The following LTBP1 variants were observed in gnomAD, a reference collection of about 807,000 sequenced individuals.
LTBP1 encodes latent transforming growth factor beta binding protein 1.
Under a neutral mutation model 207.6 loss-of-function variants are expected in LTBP1, and 129 were observed. That is an observed-to-expected ratio of 0.62 (90% CI 0.54 to 0.72). The LOEUF (loss-of-function observed/expected upper bound fraction) is 0.72. Among genes scored for constraint, LTBP1 ranks in the 30% least tolerant of loss-of-function variants. The pLI is 0.00. For missense variants in LTBP1, 2,281 were observed against 2,217.2 expected (o/e 1.03, Z -0.58); for synonymous variants, 963 against 833.7 (o/e 1.16, Z -2.67).
intron 14 of LTBP1, 62 bp downstream of exon 14, chr2:33,262,883 A>G: frequency 8.0e-7 from 1 of 1,247,844 alleles, no homozygotes; most frequent in African/African-American, 1.5e-5. Flanking sequence ...AAGACGGGAA[A>G]TTTTTGTCTT....
intron 2 of LTBP1, among the ~76,000 whole-genome samples, chr2:32,984,416 G>T (rs1683224641): frequency 6.6e-6 from 1 of 152,126 alleles, no homozygotes; most frequent in Admixed American, 6.5e-5. Context: ...CTCCTTTCCT[G>T]ATGGTTTTTC....
At chr2:33,228,697 C>CTTTTTTTTTTTT (rs1244221993) in intron 9 of LTBP1, among the ~76,000 whole-genome samples, 1,528 of 98,932 alleles carry the variant, frequency 0.015, 308 homozygotes, top group African/African-American at 0.046. Context: ...GGGTTATACC[C>CTTTTTTTTTTTT]TTTTTTTTTT....
At position 32,967,713 on chromosome 2, in the gene LTBP1, A is replaced by C. The variant is rs116072714; in HGVS notation, c.565+18768A>C. Among the ~76,000 whole-genome samples the C allele has an allele frequency of 3.2e-4, 48 of 152,302 alleles. No individual in the cohort carries two copies. In the East Asian group the frequency reaches 9.2e-3, roughly 29 times the overall value. Reference sequence around the variant, plus strand: ...TGATTTTTACTCTTTTAAGTTTGTTAAGATGTGTTTTATGACCCAGAATGT... The same window carrying C: ...TGATTTTTACTCTTTTAAGTTTGTTCAGATGTGTTTTATGACCCAGAATGT... On this transcript the variant is annotated intron_variant, in intron 2 of 33. Transcript: ENST00000404816.
chr2:33,027,572 C>G (rs902736869), intron 3 of LTBP1, among the ~76,000 whole-genome samples: 1 of 152,140 alleles, frequency 6.6e-6, no homozygotes, highest in Non-Finnish European at 1.5e-5. Flanking sequence ...CGCAGTAGCT[C>G]ACACCTGTAA....
chr2:33,023,816 G>A (rs1379604958), intron 3 of LTBP1, among the ~76,000 whole-genome samples: 1 of 152,212 alleles, frequency 6.6e-6, no homozygotes, highest in African/African-American at 2.4e-5. Context: ...CATAATCACA[G>A]TGAGTCATGT....
intron 24 of LTBP1, among the ~76,000 whole-genome samples, chr2:33,323,695 T>A (rs1039942328): frequency 6.6e-6 from 1 of 152,042 alleles, no homozygotes; most frequent in African/African-American, 2.4e-5. Context: ...CTGTAATTAG[T>A]TGGGGCACAA....
chr2:32,975,583 G>GTTTTTGTTTTTTT (rs1681598041), intron 2 of LTBP1, among the ~76,000 whole-genome samples: 1 of 31,360 alleles, frequency 3.2e-5, no homozygotes, highest in African/African-American at 1.4e-4. Flanking sequence ...TTCATTCTTT[G>GTTTTTGTTTTTTT]TTTTTTTTTT....
At chr2:33,377,925 C>T (rs927176296) in intron 31 of LTBP1, among the ~76,000 whole-genome samples, 1 of 152,076 alleles carries the variant, frequency 6.6e-6, no homozygotes, top group Non-Finnish European at 1.5e-5. Flanking sequence ...ATGAGAACAG[C>T]GTGGGGGAAA....
intron 32 of LTBP1, among the ~76,000 whole-genome samples, chr2:33,390,390 A>T (rs2095305081): frequency 6.6e-6 from 1 of 152,230 alleles, no homozygotes; most frequent in African/African-American, 2.4e-5. Flanking sequence ...ATTAGTAGAT[A>T]GTAGATAGTC....
At chr2:33,284,983 T>A (rs796394866) in intron 19 of LTBP1, among the ~76,000 whole-genome samples, 28 of 151,558 alleles carry the variant, frequency 1.8e-4, no homozygotes, top group African/African-American at 6.5e-4. Context: ...TCCTCAAACA[T>A]AAGAGATGCA....
At chr2:32,984,866 G>A (rs1257598099) in intron 2 of LTBP1, among the ~76,000 whole-genome samples, 1 of 152,184 alleles carries the variant, frequency 6.6e-6, no homozygotes, top group Non-Finnish European at 1.5e-5. Context: ...AGGAGGCGGA[G>A]GTCGCAGTGA....
intron 4 of LTBP1, among the ~76,000 whole-genome samples, chr2:33,130,915 C>T (rs1484003623): frequency 1.3e-5 from 2 of 152,140 alleles, no homozygotes; most frequent in African/African-American, 2.4e-5. Context: ...CTCCAAAGGA[C>T]CAAGCACAGA....
intron 12 of LTBP1, among the ~76,000 whole-genome samples, chr2:33,259,294 G>A (rs2092948019): frequency 6.6e-6 from 1 of 152,176 alleles, no homozygotes; most frequent in African/African-American, 2.4e-5. Flanking sequence ...ATAAAATGTT[G>A]TACCAGAAAG....
intron 3 of LTBP1, among the ~76,000 whole-genome samples, chr2:33,088,608 G>A (rs144323987): frequency 4.7e-4 from 72 of 152,262 alleles, no homozygotes; most frequent in African/African-American, 1.7e-3. Context: ...TGAGGGTAAG[G>A]TCTTAGTCCA....
At chr2:33,182,699 T>TACACACACAC (rs377663333) in intron 5 of LTBP1, among the ~76,000 whole-genome samples, 16 of 78,810 alleles carry the variant, frequency 2.0e-4, no homozygotes, top group African/African-American at 4.8e-4. Flanking sequence ...TATATATATA[T>TACACACACAC]ACACACACAC....
intron 7 of LTBP1, among the ~76,000 whole-genome samples, chr2:33,199,325 G>A (rs1385400045): frequency 6.6e-6 from 1 of 151,946 alleles, no homozygotes; most frequent in Non-Finnish European, 1.5e-5. Context: ...CCAAGTATGT[G>A]GTCAATTTTG....
intron 9 of LTBP1, among the ~76,000 whole-genome samples, chr2:33,223,202 C>G (rs1210286746): frequency 6.6e-6 from 1 of 152,182 alleles, no homozygotes; most frequent in Non-Finnish European, 1.5e-5. Context: ...GTCTATCACC[C>G]TATTCAAATG....
At chr2:33,264,709 A>C (rs193253894) in intron 15 of LTBP1, among the ~76,000 whole-genome samples, 1 of 152,170 alleles carries the variant, frequency 6.6e-6, no homozygotes, top group African/African-American at 2.4e-5. Context: ...TAGTATGTAA[A>C]ACCCAATCAA....
intron 4 of LTBP1, among the ~76,000 whole-genome samples, chr2:33,120,377 C>T (rs948642710): frequency 2.0e-5 from 3 of 152,078 alleles, no homozygotes; most frequent in Non-Finnish European, 4.4e-5. Context: ...TCTGTTGTTC[C>T]CTTCTTTGTG....
Sources: gnomAD v4.1 joint callset for allele counts (sites outside exome capture counted in the v4.1 genomes callset) on GRCh38, gnomAD v4.1.1 for gene constraint, MANE v1.5 for transcripts, NCBI Gene and HGNC (gene_info 2026-07-23, HGNC 2026-07-21) for gene names.